The following KICS2 variants were observed in gnomAD, a reference collection of about 807,000 sequenced individuals.
KICS2 encodes the protein KICSTOR subunit 2.
Under a neutral mutation model 31.4 loss-of-function variants are expected in KICS2, and 13 were observed. The ratio of observed to expected loss-of-function variants is 0.41; its 90% confidence interval spans 0.27 to 0.66. KICS2 has a LOEUF of 0.66. Ranked by LOEUF, KICS2 falls within the 30% of genes least tolerant of loss-of-function variation. The probability of loss-of-function intolerance (pLI) is 0.28; values close to 1 mark genes in which losing one functional copy is unlikely to be tolerated. For synonymous variants in KICS2, 209 were observed against 214.8 expected (o/e 0.97, Z 0.24); for missense variants, 455 against 545.4 (o/e 0.83, Z 1.65).
At chr12:64,205,074 G>C (rs2037524846) in intron 2 of KICS2, among the ~76,000 whole-genome samples, 2 of 152,082 alleles carry the variant, frequency 1.3e-5, no homozygotes, top group Non-Finnish European at 1.5e-5. Context: ...AATTTGCCCA[G>C]GAACTAGCAA....
chr12:64,189,942 G>A (rs111445944), downstream of KICS2, among the ~76,000 whole-genome samples: 3 of 152,020 alleles, frequency 2.0e-5, no homozygotes, highest in African/African-American at 4.8e-5. Context: ...AAAATACCTC[G>A]CTCAGTAATT....
intron 2 of KICS2, among the ~76,000 whole-genome samples, chr12:64,202,955 T>C (rs542039099): frequency 6.6e-6 from 1 of 152,230 alleles, no homozygotes; most frequent in Admixed American, 6.5e-5. Flanking sequence ...TCGTCAGTCA[T>C]TTCCCTAGAA....
At chr12:64,218,674 A>G (rs2136708858) in intron 1 of KICS2, among the ~76,000 whole-genome samples, 1 of 152,190 alleles carries the variant, frequency 6.6e-6, no homozygotes, top group Non-Finnish European at 1.5e-5. Context: ...ACATTGAAAA[A>G]GGGATATCAT....
At position 64,193,635 on chromosome 12, in the gene KICS2, C is replaced by T. The variant is rs2037402599; in HGVS notation, c.*207G>A. On this transcript the variant is annotated 3_prime_UTR_variant, in exon 3 of 3. Transcript: ENST00000398055. ...CTGTACCATGGAGACACATGGTAGC[C>T]CATGACCACTTCCTAGATTACTCTT... The T allele has an allele frequency of 7.2e-7, 1 of 1,393,596 alleles. No individual in the cohort carries two copies. The highest frequency in any genetic ancestry group is 1.5e-5 in the African/African-American group (1 of 68,910). The allele number at this position is 1,393,596 out of a possible 1,614,324, so 86.3% of individuals were successfully genotyped here.
intron 2 of KICS2, among the ~76,000 whole-genome samples, chr12:64,201,528 C>T (rs57772742): frequency 0.025 from 3,160 of 126,220 alleles, 108 homozygotes; most frequent in African/African-American, 0.096. Flanking sequence ...GTGGGTGCAG[C>T]GCACCAGCAT....
chr12:64,194,203 T>C lies in KICS2; in HGVS notation c.977A>G (p.Gln326Arg), dbSNP rs1156784008. The C allele has an allele frequency of 6.2e-7, 1 of 1,614,194 alleles. No homozygotes were observed. Among genetic ancestry groups the C allele is most frequent in the Non-Finnish European group, 8.5e-7 (1 of 1,180,038 alleles). ...IFDNRGSESF[Q>R]GHGYHHPHSY... is the part of the protein sequence containing the mutation. Reference sequence around the variant, plus strand: ...ATGGGGGTGGTGATAACCATGACCCTGAAAACTCTCAGAACCTCTGTTGTC... The same window carrying C: ...ATGGGGGTGGTGATAACCATGACCCCGAAAACTCTCAGAACCTCTGTTGTC... The change falls in exon 3 of 3, where the codon CAG (glutamine) becomes CGG (arginine). Residue 326 changes from glutamine to arginine, a missense_variant. Gln to Arg is a conservative substitution (Grantham distance 43). Coordinates refer to ENST00000398055, the MANE Select transcript of KICS2 (RefSeq NM_152440.5).
Position 64,194,484 on chromosome 12 carries a change from T to C in KICS2, c.696A>G (p.Lys232=). The C allele has an allele frequency of 6.2e-7, 1 of 1,614,174 alleles. No homozygotes were observed. The highest frequency in any genetic ancestry group is 8.5e-7 in the Non-Finnish European group (1 of 1,180,030). The change falls in exon 3 of 3, where the codon AAA becomes AAG. Residue 232 remains lysine (K), a synonymous_variant. Transcript: ENST00000398055. The stretch of plus-strand genomic sequence containing the variant: ...ACAGATGTTTCTTGGTCTCCCGCTG[T>C]TTCTCAAAGATCTGGCCCCACGTCT... ...KLQTWGQIFE[K]QRETKKHLFG...
intron 2 of KICS2, among the ~76,000 whole-genome samples, chr12:64,212,462 C>T (rs934642733): frequency 3.3e-5 from 5 of 152,194 alleles, no homozygotes; most frequent in South Asian, 2.1e-4. Flanking sequence ...TTTCACTTAG[C>T]ATAATGTTCT....
At chr12:64,205,741 G>GAGGGAA (rs1408849729) in intron 2 of KICS2, among the ~76,000 whole-genome samples, 2 of 140,808 alleles carry the variant, frequency 1.4e-5, no homozygotes, top group Non-Finnish European at 3.1e-5. Context: ...AAAAGGGAAG[G>GAGGGAA]AAGGGAGGGA....
At chr12:64,211,287 A>C (rs2037579942) in intron 2 of KICS2, among the ~76,000 whole-genome samples, 1 of 152,232 alleles carries the variant, frequency 6.6e-6, no homozygotes. Flanking sequence ...GCATATATTT[A>C]TATGCATAGC....
chr12:64,216,064 G>C, intron 1 of KICS2, 101 bp from the exon 2 acceptor site: 13 of 1,117,210 alleles, frequency 1.2e-5, no homozygotes, highest in Non-Finnish European at 1.5e-5. Context: ...AACCCATTGA[G>C]CTCAGTAAGT....
intron 2 of KICS2, among the ~76,000 whole-genome samples, chr12:64,213,087 C>CAAA (rs1235001391): frequency 2.0e-3 from 139 of 69,154 alleles, no homozygotes; most frequent in Middle Eastern, 6.8e-3. Context: ...GAGACAAACT[C>CAAA]AAAAAAAAAA....
chr12:64,221,757 T>TC, intron 1 of KICS2: 1 of 583,830 alleles, frequency 1.7e-6, no homozygotes, highest in Admixed American at 3.0e-5. Context: ...GGCAAACCCT[T>TC]CGGTTTGGGT....
chr12:64,214,457 A>C (rs911086482), intron 2 of KICS2, among the ~76,000 whole-genome samples: 21 of 152,334 alleles, frequency 1.4e-4, no homozygotes, highest in Admixed American at 7.2e-4. Flanking sequence ...TACAGTAAGA[A>C]CTTATAAGAG....
Position 64,192,804 on chromosome 12 carries a change from T to C in KICS2, c.*1038A>G. On this transcript the variant is annotated 3_prime_UTR_variant, in exon 3 of 3. Coordinates refer to ENST00000398055, the MANE Select transcript of KICS2 (RefSeq NM_152440.5). ...CAGTGCTGCTTCTAAACATAATTTG[T>C]GGGGGGCAGGCATGAAACCCAAGTT... 1 of 985,410 alleles carries C rather than the reference T, an allele frequency of 1.0e-6. No individual in the cohort carries two copies. Among genetic ancestry groups the C allele is most frequent in the Non-Finnish European group, 1.2e-6 (1 of 829,930 alleles). 61.0% of individuals were successfully genotyped at this position (985,410 alleles called of 1,614,324 possible).
rs958859468 is a variant in KICS2, at chr12:64,192,805, G to C, written c.*1037C>G. ...AGTGCTGCTTCTAAACATAATTTGTGGGGGGCAGGCATGAAACCCAAGTTC... is the reference window on the plus strand; with the variant it reads ...AGTGCTGCTTCTAAACATAATTTGTCGGGGGCAGGCATGAAACCCAAGTTC... On this transcript the variant is annotated 3_prime_UTR_variant, in exon 3 of 3. Transcript: ENST00000398055. 9.1e-6 allele frequency: 9 copies of C among 985,288 alleles called. No homozygotes were observed. Among genetic ancestry groups the C allele is most frequent in the Admixed American group, 6.2e-5 (1 of 16,250 alleles). 61.0% of individuals were successfully genotyped at this position (985,288 alleles called of 1,614,324 possible). A position where few individuals can be genotyped will look rare whatever the true frequency, so the allele number is the denominator to read the frequency against.
chr12:64,194,848 G>A (rs7959774), intron 2 of KICS2, among the ~76,000 whole-genome samples, 190 bp from the exon 3 acceptor site: 2 of 151,996 alleles, frequency 1.3e-5, no homozygotes, highest in Non-Finnish European at 2.9e-5. Context: ...TCAAAATTAT[G>A]TCAACATCAT....
At chr12:64,221,055 A>G (rs986102753) in intron 1 of KICS2, among the ~76,000 whole-genome samples, 2 of 141,232 alleles carry the variant, frequency 1.4e-5, no homozygotes, top group Admixed American at 7.5e-5. Flanking sequence ...GCTCAATAAG[A>G]TGTACATGGT....
In KICS2 at chr12:64,192,559, C is replaced by G; in HGVS notation, c.*1283G>C. 1 of 972,208 alleles carries G rather than the reference C, an allele frequency of 1.0e-6. No homozygotes were observed. Among genetic ancestry groups the G allele is most frequent in the South Asian group, 4.8e-5 (1 of 21,046 alleles). 60.2% of individuals were successfully genotyped at this position (972,208 alleles called of 1,614,324 possible). Reference sequence around the variant, plus strand: ...CACCCAGTAAAACAGTGGCTCCACACAATCATGGGAAAAAAGACGAATATG... The same window carrying G: ...CACCCAGTAAAACAGTGGCTCCACAGAATCATGGGAAAAAAGACGAATATG... On this transcript the variant is annotated 3_prime_UTR_variant, in exon 3 of 3. Coordinates refer to ENST00000398055, the MANE Select transcript of KICS2 (RefSeq NM_152440.5).
Sources: gnomAD v4.1 joint callset for allele counts (sites outside exome capture counted in the v4.1 genomes callset) on GRCh38, gnomAD v4.1.1 for gene constraint, MANE v1.5 for transcripts, NCBI Gene and HGNC (gene_info 2026-07-23, HGNC 2026-07-21) for gene names.